Variants in LRRC37A2 observed in about 807,000 individuals in gnomAD.
LRRC37A2 encodes leucine rich repeat containing 37 member A2.
A neutral mutation model predicts 68.8 loss-of-function variants in LRRC37A2; 9 were observed. That is an observed-to-expected ratio of 0.13 (90% confidence interval 0.08 to 0.23). LRRC37A2 has a LOEUF of 0.23. LRRC37A2 is among the 10% of genes least tolerant of loss of function. The pLI is 1.00. For missense variants in LRRC37A2, 168 were observed against 950.4 expected (o/e 0.18, Z 10.82); for synonymous variants, 63 against 367.6 (o/e 0.17, Z 9.48).
At chr17:46,977,793 T>A in the LRRC37A2 span, among the ~76,000 whole-genome samples, 1 of 152,246 alleles carries the variant, frequency 6.6e-6, no homozygotes, top group Admixed American at 6.5e-5. Flanking sequence ...TTTAACTAGA[T>A]CTAGTTTTCC....
chr17:46,773,805 T>A, the LRRC37A2 span: 1 of 1,613,560 alleles, frequency 6.2e-7, no homozygotes, highest in Non-Finnish European at 8.5e-7. Flanking sequence ...GATCTCGATG[T>A]AATTGCGGCA....
At chr17:46,768,610 G>C in the LRRC37A2 span, 1 of 1,614,034 alleles carries the variant, frequency 6.2e-7, no homozygotes, top group East Asian at 2.2e-5. This position sits in a 1 kb window ranked among gnomAD's most constrained non-coding sequence, Gnocchi z 5.0. Context: ...TACTTGGCCC[G>C]GAGGGTCTCC....
the LRRC37A2 span, among the ~76,000 whole-genome samples, chr17:46,841,898 T>TG: frequency 4.2e-4 from 64 of 152,254 alleles, no homozygotes; most frequent in African/African-American, 7.7e-4. Flanking sequence ...CTGCGGTGTG[T>TG]GGGGGGGTCT....
the LRRC37A2 span, among the ~76,000 whole-genome samples, chr17:46,703,667 T>A: frequency 8.9e-6 from 1 of 111,918 alleles, no homozygotes. Context: ...GGGGACAGAG[T>A]GAGACTCCGT....
chr17:46,994,141 T>C, the LRRC37A2 span, among the ~76,000 whole-genome samples: 1 of 151,060 alleles, frequency 6.6e-6, no homozygotes, highest in Non-Finnish European at 1.5e-5. Flanking sequence ...TCCCGGGACT[T>C]TGGGAGGCCG....
At chr17:46,735,804 A>G in the LRRC37A2 span, among the ~76,000 whole-genome samples, 1 of 152,052 alleles carries the variant, frequency 6.6e-6, no homozygotes, top group Non-Finnish European at 1.5e-5. Context: ...AATTAGCTCG[A>G]CGTGGTGGTG....
the LRRC37A2 span, among the ~76,000 whole-genome samples, chr17:47,015,246 G>GGCTA: frequency 6.6e-6 from 1 of 152,140 alleles, no homozygotes; most frequent in Admixed American, 6.6e-5. Context: ...GAGCTCAAGT[G>GGCTA]ATCCACCCAC....
At chr17:46,873,165 C>T in the LRRC37A2 span, among the ~76,000 whole-genome samples, 23 of 151,780 alleles carry the variant, frequency 1.5e-4, no homozygotes, top group Non-Finnish European at 2.5e-4. Context: ...TGAGGATGGG[C>T]GGCAGCTGAT....
At chr17:46,981,432 TTCTC>T in the LRRC37A2 span, among the ~76,000 whole-genome samples, 1 of 152,166 alleles carries the variant, frequency 6.6e-6, no homozygotes, top group Non-Finnish European at 1.5e-5. Flanking sequence ...CTCTTTCTCT[TTCTC>T]TCTCTTCTCT....
the LRRC37A2 span, chr17:46,923,319 G>C: frequency 5.2e-6 from 8 of 1,540,878 alleles, no homozygotes; most frequent in African/African-American, 1.1e-4. Context: ...CAGGGTAGAG[G>C]CCGAGTTTTT....
At chr17:46,745,766 A>G in the LRRC37A2 span, among the ~76,000 whole-genome samples, 1 of 152,244 alleles carries the variant, frequency 6.6e-6, no homozygotes, top group Non-Finnish European at 1.5e-5. Flanking sequence ...GTTAGCCTTT[A>G]GGGCTATGTT....
At chr17:46,994,233 T>C in the LRRC37A2 span, among the ~76,000 whole-genome samples, 27 of 151,592 alleles carry the variant, frequency 1.8e-4, no homozygotes, top group African/African-American at 6.5e-4. Context: ...AAAAATACAA[T>C]AATTAGCCAG....
chr17:47,019,138 A>G, the LRRC37A2 span: 1 of 1,285,956 alleles, frequency 7.8e-7, no homozygotes, highest in South Asian at 1.2e-5. Flanking sequence ...CCACATCCAG[A>G]CCAGGTTCAG....
the LRRC37A2 span, among the ~76,000 whole-genome samples, chr17:47,032,774 G>A: frequency 5.9e-5 from 9 of 152,128 alleles, no homozygotes; most frequent in Admixed American, 5.2e-4. Flanking sequence ...ACCCAGAAAG[G>A]CTCATGTTCA....
At chr17:46,733,437 T>A in the LRRC37A2 span, among the ~76,000 whole-genome samples, 1 of 152,192 alleles carries the variant, frequency 6.6e-6, no homozygotes, top group Non-Finnish European at 1.5e-5. Flanking sequence ...CCTCAACAAG[T>A]GTGAGAGTAG....
the LRRC37A2 span, among the ~76,000 whole-genome samples, chr17:46,802,502 A>G: frequency 3.3e-5 from 5 of 152,152 alleles, no homozygotes; most frequent in African/African-American, 1.2e-4. Context: ...TCCTGACCTC[A>G]GATGATCCAC....
At chr17:46,735,614 A>G in the LRRC37A2 span, among the ~76,000 whole-genome samples, 2 of 152,152 alleles carry the variant, frequency 1.3e-5, no homozygotes, top group African/African-American at 2.4e-5. Context: ...AGGGTCAGCT[A>G]AGATAATGTG....
intron 6 of LRRC37A2, among the ~76,000 whole-genome samples, chr17:46,525,468 T>C (rs1313563650): frequency 8.9e-6 from 1 of 111,890 alleles, no homozygotes; most frequent in Admixed American, 8.6e-5. Context: ...GCAACTGTAA[T>C]CCTAGGTACT....
the LRRC37A2 span, among the ~76,000 whole-genome samples, chr17:46,986,406 A>G: frequency 1.3e-5 from 2 of 152,174 alleles, no homozygotes; most frequent in African/African-American, 4.8e-5. Flanking sequence ...GCTAGTAACT[A>G]TTATTTATAA....
Sources: allele counts gnomAD v4.1 joint callset (sites outside exome capture counted in the v4.1 genomes callset), GRCh38; gene constraint gnomAD v4.1.1; non-coding constraint Gnocchi (gnomAD v3.1); transcripts MANE v1.5; gene names NCBI Gene and HGNC (gene_info 2026-07-23, HGNC 2026-07-21).